Variants in SND1 observed in about 807,000 individuals in gnomAD.
SND1 encodes the protein staphylococcal nuclease domain-containing protein 1.
A neutral mutation model predicts 121.7 loss-of-function variants in SND1; 38 were observed. The ratio of observed to expected loss-of-function variants is 0.31; its 90% CI spans 0.24 to 0.41. The LOEUF (loss-of-function observed/expected upper bound fraction) is 0.41, where lower values mean the gene tolerates loss of function less well. SND1 is among the 10% of genes least tolerant of loss of function. The pLI is 1.00. For missense variants in SND1, 868 were observed against 1,184.6 expected, an observed-to-expected ratio of 0.73 and a Z score of 3.92; for synonymous variants, 401 against 447.4, an observed-to-expected ratio of 0.90 and a Z score of 1.31.
intron 13 of SND1, among the ~76,000 whole-genome samples, chr7:127,898,174 T>G (rs948436094): frequency 2.0e-5 from 3 of 152,114 alleles, no homozygotes; most frequent in Non-Finnish European, 2.9e-5. Context: ...CCCAGCACAA[T>G]AGCATGTATC....
chr7:127,797,805 C>T (rs1022433456), intron 10 of SND1, among the ~76,000 whole-genome samples: 9 of 152,072 alleles, frequency 5.9e-5, no homozygotes, highest in African/African-American at 2.2e-4. Context: ...GTGAAGGGAC[C>T]GCATATGGTT....
chr7:127,814,698 A>G (rs1798397904), intron 11 of SND1, among the ~76,000 whole-genome samples: 2 of 152,132 alleles, frequency 1.3e-5, no homozygotes, highest in Non-Finnish European at 2.9e-5. Flanking sequence ...AAGCACCAAC[A>G]TTCCAGGGTT....
chr7:127,981,517 C>T (rs1195688152), intron 15 of SND1, among the ~76,000 whole-genome samples: 1 of 152,072 alleles, frequency 6.6e-6, no homozygotes, highest in African/African-American at 2.4e-5. Context: ...CCTCGTTAAT[C>T]AGTGAGAGGG....
At chr7:127,766,500 G>T (rs965073465) in intron 10 of SND1, among the ~76,000 whole-genome samples, 2 of 152,062 alleles carry the variant, frequency 1.3e-5, no homozygotes, top group Non-Finnish European at 2.9e-5. Flanking sequence ...CTTAGGCCGG[G>T]CGCGATGGCT....
intron 10 of SND1, among the ~76,000 whole-genome samples, chr7:127,786,899 C>T (rs1422208389): frequency 3.3e-5 from 5 of 152,336 alleles, no homozygotes; most frequent in African/African-American, 9.6e-5. Flanking sequence ...ATCTCGGCCT[C>T]CCAAAGTGCT....
intron 10 of SND1, among the ~76,000 whole-genome samples, chr7:127,743,779 G>A (rs77529783): frequency 2.6e-5 from 4 of 152,252 alleles, no homozygotes; most frequent in African/African-American, 7.2e-5. Context: ...AACTATGTAC[G>A]CCTATCAGGC....
intron 11 of SND1, among the ~76,000 whole-genome samples, chr7:127,829,150 T>C (rs1324512537): frequency 6.6e-6 from 1 of 152,208 alleles, no homozygotes; most frequent in African/African-American, 2.4e-5. Context: ...TGAATGAGTA[T>C]GTGCCAGGAA....
chr7:127,973,540 A>C (rs543902512), intron 15 of SND1, among the ~76,000 whole-genome samples: 43 of 152,274 alleles, frequency 2.8e-4, no homozygotes, highest in Non-Finnish European at 5.9e-4. Flanking sequence ...AGTGGGTTAG[A>C]ACTGTCAAAT....
At position 127,929,227 on chromosome 7, in the gene SND1, C is replaced by T. The variant is rs1432005892; in HGVS notation, c.1567C>T (p.Arg523Trp). 1 of 1,613,942 alleles carries T rather than the reference C, an allele frequency of 6.2e-7. No individual in the cohort carries two copies. The highest frequency in any genetic ancestry group is 8.5e-7 in the Non-Finnish European group (1 of 1,179,810). The change falls in exon 15 of 24, where the codon CGG (arginine) becomes TGG (tryptophan). Residue 523 changes from arginine to tryptophan, a missense_variant. Arg to Trp is a moderately radical substitution (Grantham distance 101). This residue lies in a region of SND1 where 743 missense variants were observed against 1,071.3 expected (regional missense o/e 0.69). Coordinates refer to ENST00000354725, the MANE Select transcript of SND1 (RefSeq NM_014390.4). The stretch of plus-strand genomic sequence containing the variant: ...AAAGCAGTTCCTGCCTTTTCTTCAG[C>T]GGGCAGGTCGTTCTGAAGCTGTGGT... ...KAKQFLPFLQ[R>W]AGRSEAVVEY...
chr7:127,953,295 G>A (rs1801511352), intron 15 of SND1, among the ~76,000 whole-genome samples: 1 of 151,402 alleles, frequency 6.6e-6, no homozygotes, highest in Non-Finnish European at 1.5e-5. Flanking sequence ...TCTGCTAATG[G>A]GAGCAGAGGT....
intron 3 of SND1, among the ~76,000 whole-genome samples, chr7:127,697,072 A>G (rs1439255780): frequency 1.3e-5 from 2 of 151,976 alleles, no homozygotes; most frequent in East Asian, 1.9e-4. Flanking sequence ...ATGATGGGAG[A>G]GAATGGTAAA....
chr7:127,977,316 G>C (rs774388846), intron 15 of SND1, among the ~76,000 whole-genome samples: 3 of 152,208 alleles, frequency 2.0e-5, no homozygotes, highest in Non-Finnish European at 4.4e-5. Flanking sequence ...GAGGACCTTA[G>C]AAATGTTCAA....
chr7:127,852,183 A>T (rs200767907), intron 12 of SND1, among the ~76,000 whole-genome samples: 6 of 82,942 alleles, frequency 7.2e-5, no homozygotes, highest in South Asian at 3.7e-4. Context: ...TAAAATAAAT[A>T]AAATAAAATA....
intron 1 of SND1, among the ~76,000 whole-genome samples, chr7:127,670,025 C>G (rs1464747993): frequency 1.3e-5 from 2 of 148,474 alleles, no homozygotes; most frequent in African/African-American, 5.0e-5. Context: ...GAGACAGAGT[C>G]TCTCACCCAG....
At chr7:127,840,330 T>TAC (rs1207415844) in intron 11 of SND1, among the ~76,000 whole-genome samples, 1 of 152,210 alleles carries the variant, frequency 6.6e-6, no homozygotes, top group African/African-American at 2.4e-5. Flanking sequence ...CCAAAGATGT[T>TAC]ACGTGCCTCA....
At chr7:127,847,685 G>A (rs922672024) in intron 12 of SND1, among the ~76,000 whole-genome samples, 3 of 152,176 alleles carry the variant, frequency 2.0e-5, no homozygotes, top group African/African-American at 7.2e-5. Context: ...CTACTTTAAA[G>A]CCTTTCCTCT....
chr7:127,910,736 C>T (rs1029628676), intron 14 of SND1, among the ~76,000 whole-genome samples: 2 of 152,012 alleles, frequency 1.3e-5, no homozygotes, highest in Non-Finnish European at 2.9e-5. Context: ...TTTTTTACCC[C>T]ACTTGGCTAA....
rs1158535023 is a variant in SND1, at chr7:127,922,175, C to CTTTTTTTTTTTTTTTTTTTTTT, written c.1528-7006_1528-6985dup. ...CCAGCTGATTTTCTTTTTTTCTTTC[C>CTTTTTTTTTTTTTTTTTTTTTT]TTTTTTTTTTTTTTTTTTTTTTTTT... is the stretch of plus-strand genomic sequence containing the variant. On this transcript the variant is annotated intron_variant, in intron 14 of 23. Transcript: ENST00000354725. 6.5e-4 allele frequency among the ~76,000 whole-genome samples: 37 copies of CTTTTTTTTTTTTTTTTTTTTTT among 57,192 alleles called. 4 individuals carry two copies. Among genetic ancestry groups the CTTTTTTTTTTTTTTTTTTTTTT allele is most frequent in the African/African-American group, 8.3e-4 (11 of 13,268 alleles). The allele number at this position is 57,192 out of a possible 152,430, so 37.5% of individuals were successfully genotyped here.
At chr7:127,682,299 C>G (rs1012945254) in intron 1 of SND1, among the ~76,000 whole-genome samples, 2 of 152,178 alleles carry the variant, frequency 1.3e-5, no homozygotes, top group African/African-American at 2.4e-5. Flanking sequence ...TTTTCCTTCT[C>G]AGCTGCCTTG....
Sources: allele counts gnomAD v4.1 joint callset (sites outside exome capture counted in the v4.1 genomes callset), GRCh38; gene constraint gnomAD v4.1.1; regional missense constraint gnomAD v4.1.1; transcripts MANE v1.5; gene names NCBI Gene and HGNC (gene_info 2026-07-23, HGNC 2026-07-21).